The following BAZ1A variants were observed in gnomAD, a reference collection of about 807,000 sequenced individuals.
BAZ1A encodes the protein bromodomain adjacent to zinc finger domain 1A, also known as bromodomain adjacent to zinc finger domain protein 1A.
A neutral mutation model predicts 185.2 loss-of-function variants in BAZ1A; 50 were observed. The observed-to-expected ratio is 0.27, with a 90% CI of 0.22 to 0.34. BAZ1A has a LOEUF of 0.34. BAZ1A is among the 10% of genes least tolerant of loss of function. BAZ1A has a pLI of 1.00. For synonymous variants in BAZ1A, 571 were observed against 615.6 expected (o/e 0.93, Z 1.07); for missense variants, 1,356 against 1,839.9 (o/e 0.74, Z 4.81).
chr14:34,773,506 A>C, intron 20 of BAZ1A, 66 bp downstream of exon 20: 28 of 1,206,138 alleles, frequency 2.3e-5, no homozygotes, highest in Middle Eastern at 3.0e-4. Context: ...TAAAAACCAA[A>C]AAAAAAAAAA....
intron 5 of BAZ1A, 31 bp from the exon 6 acceptor site, chr14:34,807,569 A>C (rs781159776): frequency 1.1e-4 from 166 of 1,533,146 alleles, no homozygotes; most frequent in Non-Finnish European, 1.5e-4. Context: ...AAAGAGGGGT[A>C]GTGTTAGCAT....
rs1387379052 is a variant in BAZ1A, at chr14:34,802,920, G to C, written c.795C>G (p.Pro265=). ...TGTTAGCAGGACTGAAGATAAATGT[G>C]GGTGGATCATCAGGGAAGAAATAAG... is the stretch of plus-strand genomic sequence containing the variant. ...DFSYFFPDDP[P]TFIFSPANRR... is the part of the protein sequence containing the mutation. The change falls in exon 7 of 27, where the codon CCC becomes CCG. Residue 265 remains proline, a synonymous_variant. Transcript: ENST00000360310. The C allele has an allele frequency of 3.7e-6, 6 of 1,612,542 alleles. No homozygotes were observed. In the South Asian group the frequency reaches 6.6e-5, roughly 18 times the overall value.
At chr14:34,810,816 T>G (rs1047038882) in intron 5 of BAZ1A, 119 bp downstream of exon 5, 1 of 738,114 alleles carries the variant, frequency 1.4e-6, no homozygotes, top group Non-Finnish European at 2.2e-6. Context: ...AAATGTACAT[T>G]TATTTTTAAG....
chr14:34,764,886 T>C lies in BAZ1A; in HGVS notation c.3597A>G (p.Gln1199=), dbSNP rs1199083359. ...GTCTAGAGGAGAGTCTTCTAGAACG[T>C]TGCTTTGGTCGACATTCTGGACAAA... ...DWFCPECRPK[Q]RSRRLSSRQR... is the part of the protein sequence containing the mutation. Residue 1199 remains glutamine, a synonymous_variant, in exon 23 of 27, where the codon CAA becomes CAG. Coordinates refer to ENST00000360310, the MANE Select transcript of BAZ1A (RefSeq NM_013448.3). 7 of 1,614,070 alleles carry C rather than the reference T, an allele frequency of 4.3e-6. No homozygotes were observed. Among genetic ancestry groups the C allele is most frequent in the East Asian group, 2.2e-5 (1 of 44,888 alleles).
At chr14:34,844,957 T>C (rs2042485069) in intron 3 of BAZ1A, among the ~76,000 whole-genome samples, 1 of 151,656 alleles carries the variant, frequency 6.6e-6, no homozygotes, top group South Asian at 2.1e-4. Flanking sequence ...TGTTCCTTAA[T>C]ATTTTTGGAA....
intron 9 of BAZ1A, among the ~76,000 whole-genome samples, chr14:34,796,143 TACAAAC>T: frequency 6.9e-6 from 1 of 144,942 alleles, no homozygotes; most frequent in African/African-American, 2.6e-5. Context: ...CTACTAAAAA[TACAAAC>T]ACATATACAT....
At chr14:34,781,273 C>G (rs1021002533) in intron 16 of BAZ1A, among the ~76,000 whole-genome samples, 1 of 152,048 alleles carries the variant, frequency 6.6e-6, no homozygotes, top group Non-Finnish European at 1.5e-5. Context: ...GCTTACATAC[C>G]ATAACAATCA....
chr14:34,774,448 C>A lies in BAZ1A; in HGVS notation c.2876G>T (p.Arg959Ile), dbSNP rs146795126. Residue 959 changes from arginine (R) to isoleucine (I), a missense_variant, in exon 19 of 27, where the codon AGA becomes ATA. Around this residue, in one of 7 missense-constraint regions of BAZ1A, gnomAD observed 434 missense variants for 561.7 expected, o/e 0.77. Transcript: ENST00000360310. ...PDSKPTYSRG[R>I]SSNAYDPSQM... ...AGATGGATCATATGCATTGGAAGATCTTCCCCGACTATATGTTGGTTTGCT... is the reference window on the plus strand; with the variant it reads ...AGATGGATCATATGCATTGGAAGATATTCCCCGACTATATGTTGGTTTGCT... 3 of 1,610,442 alleles carry A rather than the reference C, an allele frequency of 1.9e-6. No homozygotes were observed. The highest frequency in any genetic ancestry group is 2.5e-6 in the Non-Finnish European group (3 of 1,178,498).
intron 23 of BAZ1A, among the ~76,000 whole-genome samples, chr14:34,763,731 T>C (rs1448313966): frequency 6.6e-6 from 1 of 152,246 alleles, no homozygotes; most frequent in Non-Finnish European, 1.5e-5. Flanking sequence ...ATTGTTAGCA[T>C]ATTTTAGCAA....
rs188459767 is a variant in BAZ1A at position 34,835,001 on chromosome 14, T to G, written c.393-8845A>C. On this transcript the variant is annotated intron_variant, in intron 3 of 26. Coordinates refer to ENST00000360310, the MANE Select transcript of BAZ1A (RefSeq NM_013448.3). The stretch of plus-strand genomic sequence containing the variant: ...TAATTTACATATATGTCTCTCCTTA[T>G]ATATCAATCAACTCCATAAGTTATA... 1.6e-3 allele frequency among the ~76,000 whole-genome samples: 243 copies of G among 152,202 alleles called. 5 individuals are homozygous for G. Among genetic ancestry groups the G allele is most frequent in the African/African-American group, 5.5e-3 (229 of 41,456 alleles).
At chr14:34,849,530 T>G (rs1480417573) in intron 3 of BAZ1A, among the ~76,000 whole-genome samples, 1 of 151,874 alleles carries the variant, frequency 6.6e-6, no homozygotes, top group East Asian at 1.9e-4. Context: ...TTTACTTTAA[T>G]AGAAAAAAAA....
At chr14:34,868,574 C>T (rs1406758680) in intron 2 of BAZ1A, among the ~76,000 whole-genome samples, 3 of 152,022 alleles carry the variant, frequency 2.0e-5, no homozygotes, top group Non-Finnish European at 2.9e-5. Flanking sequence ...GAGGCCGAGG[C>T]GGGTGGATCA....
chr14:34,838,443 T>G (rs1329079517), intron 3 of BAZ1A, among the ~76,000 whole-genome samples: 10 of 152,122 alleles, frequency 6.6e-5, no homozygotes, highest in African/African-American at 2.4e-4. Context: ...TGTTCTGTAT[T>G]ATAACTATAT....
rs1886082477 is a variant in BAZ1A, at chr14:34,753,075, T to C, written c.*433A>G. The stretch of plus-strand genomic sequence containing the variant: ...TCATTCATGTGTAGTGTTGAAAGAA[T>C]GTACTCAAACAATTAATTAAGACAT... On this transcript the variant is annotated 3_prime_UTR_variant, in exon 27 of 27. Coordinates refer to ENST00000360310, the MANE Select transcript of BAZ1A (RefSeq NM_013448.3). 3 of 155,738 alleles carry C rather than the reference T, an allele frequency of 1.9e-5. No individual in the cohort carries two copies. The highest frequency in any genetic ancestry group is 7.2e-5 in the African/African-American group (3 of 41,382). The allele number at this position is 155,738 out of a possible 1,614,324, so 9.6% of individuals were successfully genotyped here.
In BAZ1A at chr14:34,792,829, C is replaced by T; in HGVS notation, c.1456G>A (p.Ala486Thr). 1 of 1,613,976 alleles carries T rather than the reference C, an allele frequency of 6.2e-7. No homozygotes were observed. Among genetic ancestry groups the T allele is most frequent in the Non-Finnish European group, 8.5e-7 (1 of 1,179,984 alleles). Reference sequence around the variant, plus strand: ...TTGGCTACTTCCTCTTCTTCTTCAGCTATTGCCTGGAAGATTGCAGTCAGG... The same window carrying T: ...TTGGCTACTTCCTCTTCTTCTTCAGTTATTGCCTGGAAGATTGCAGTCAGG... The part of the protein sequence containing the change: ...FFLTAIFQAI[A>T]EEEEEVAKEQ... Residue 486 changes from alanine (A) to threonine (T), a missense_variant, in exon 12 of 27, where the codon GCT becomes ACT. This residue lies in a region of BAZ1A where 184 missense variants were observed against 355.1 expected (regional missense o/e 0.52). Transcript: ENST00000360310.
chr14:34,819,540 A>G (rs2042055924), intron 4 of BAZ1A, among the ~76,000 whole-genome samples: 1 of 152,242 alleles, frequency 6.6e-6, no homozygotes, highest in Admixed American at 6.5e-5. Context: ...GTTAGTACAT[A>G]TGCATTTAAA....
rs79367963 is a variant in BAZ1A at position 34,826,787 on chromosome 14, C to T, written c.393-631G>A. Among the ~76,000 whole-genome samples, 939 of 152,250 alleles carry T rather than the reference C, an allele frequency of 6.2e-3. 17 individuals are homozygous for T. The highest frequency in any genetic ancestry group is 0.022 in the African/African-American group (906 of 41,544). The stretch of plus-strand genomic sequence containing the variant: ...CTGCATTAAGGCAAAAGCAGATAGT[C>T]GCTAAAGTATTATTGCTAAGTGTGT... On this transcript the variant is annotated intron_variant, in intron 3 of 26. Coordinates refer to ENST00000360310, the MANE Select transcript of BAZ1A (RefSeq NM_013448.3).
Position 34,824,198 on chromosome 14 carries a change from T to TAA in BAZ1A, c.536+1813_536+1814dup, listed in dbSNP as rs11453821. 3.8e-3 allele frequency among the ~76,000 whole-genome samples: 478 copies of TAA among 126,522 alleles called. 4 individuals are homozygous for TAA. The highest frequency in any genetic ancestry group is 0.019 in the Middle Eastern group (5 of 264). The allele number at this position is 126,522 out of a possible 152,430, so 83.0% of individuals were successfully genotyped here. A position where few individuals can be genotyped will look rare whatever the true frequency, so the allele number is the denominator to read the frequency against. The stretch of plus-strand genomic sequence containing the variant: ...TATATAGCAAGACTGTGTCTCTACT[T>TAA]AAAAAAAAAAAAAAAAAAATTAAAA... On this transcript the variant is annotated intron_variant, in intron 4 of 26. Transcript: ENST00000360310.
At chr14:34,820,380 C>A (rs112471254) in intron 4 of BAZ1A, among the ~76,000 whole-genome samples, 3 of 152,074 alleles carry the variant, frequency 2.0e-5, no homozygotes, top group Non-Finnish European at 2.9e-5. Flanking sequence ...AATCCACCCC[C>A]CTTGGCCTCC....
Sources: gnomAD v4.1 joint callset for allele counts (sites outside exome capture counted in the v4.1 genomes callset) on GRCh38, gnomAD v4.1.1 for gene constraint, gnomAD v4.1.1 regional missense constraint, MANE v1.5 for transcripts, NCBI Gene and HGNC (gene_info 2026-07-23, HGNC 2026-07-21) for gene names.